The following FARP1 variants were observed in gnomAD, a reference collection of about 807,000 sequenced individuals.
The protein encoded by FARP1 is FERM, ARH/RhoGEF and pleckstrin domain protein 1, also known as FERM, ARHGEF and pleckstrin domain-containing protein 1.
Under a neutral mutation model 128.8 loss-of-function variants are expected in FARP1, and 52 were observed. The ratio of observed to expected loss-of-function variants is 0.40; its 90% CI spans 0.32 to 0.51. The LOEUF (loss-of-function observed/expected upper bound fraction) is 0.51. Among genes scored for constraint, FARP1 ranks in the 20% least tolerant of loss-of-function variants. The probability of loss-of-function intolerance (pLI) is 0.45; values close to 1 mark genes in which losing one functional copy is unlikely to be tolerated. For missense variants in FARP1, 1,333 were observed against 1,367.9 expected (o/e 0.97, Z 0.40); for synonymous variants, 580 against 551.8 (o/e 1.05, Z -0.72).
At chr13:98,244,430 A>T (rs542957998) in intron 2 of FARP1, 1 of 1,475,272 alleles carries the variant, frequency 6.8e-7, no homozygotes, top group East Asian at 2.4e-5. Context: ...ACTGTTTTTT[A>T]AAAAACAACA....
intron 2 of FARP1, among the ~76,000 whole-genome samples, chr13:98,258,243 A>G (rs1883709205): frequency 6.6e-6 from 1 of 152,198 alleles, no homozygotes; most frequent in Non-Finnish European, 1.5e-5. Context: ...CTGGGATTAC[A>G]GGCATGAGCA....
At chr13:98,219,749 T>G (rs749206093) in intron 2 of FARP1, among the ~76,000 whole-genome samples, 24 of 152,240 alleles carry the variant, frequency 1.6e-4, no homozygotes, top group Admixed American at 1.3e-3. Context: ...CACTGCCGCC[T>G]TGACCTTCTG....
intron 13 of FARP1, chr13:98,407,344 ATT>A (rs56198675): frequency 0.85 from 128,261 of 151,480 alleles, 54,951 homozygotes; most frequent in South Asian, 0.93. Flanking sequence ...TCTTTTTGTG[ATT>A]TTTTTTTTTT....
At chr13:98,315,715 A>G (rs757639671) in intron 2 of FARP1, among the ~76,000 whole-genome samples, 6 of 152,182 alleles carry the variant, frequency 3.9e-5, no homozygotes, top group Non-Finnish European at 7.3e-5. Context: ...AAAACAAAAG[A>G]TGCAGAGGAG....
At chr13:98,357,617 T>C (rs1171369838) in intron 3 of FARP1, among the ~76,000 whole-genome samples, 1 of 152,198 alleles carries the variant, frequency 6.6e-6, no homozygotes, top group Non-Finnish European at 1.5e-5. Flanking sequence ...ATATCTTCCA[T>C]ATCTCAACTT....
At chr13:98,350,705 A>AT (rs893785001) in intron 3 of FARP1, among the ~76,000 whole-genome samples, 89 of 151,620 alleles carry the variant, frequency 5.9e-4, no homozygotes, top group Non-Finnish European at 1.1e-3. Context: ...GTACTTTTTA[A>AT]TTTTCTGTAC....
chr13:98,383,454 G>T (rs893693557), intron 6 of FARP1, among the ~76,000 whole-genome samples: 2 of 152,220 alleles, frequency 1.3e-5, no homozygotes, highest in Non-Finnish European at 2.9e-5. Context: ...GCATGGCTTT[G>T]TGCAGAACAG....
chr13:98,291,867 C>T (rs1885464750), intron 2 of FARP1, among the ~76,000 whole-genome samples: 2 of 152,202 alleles, frequency 1.3e-5, no homozygotes, highest in South Asian at 2.1e-4. Context: ...ACCATCTGGC[C>T]CAATTCCCCT....
rs369017349 is a variant in FARP1 at position 98,341,340 on chromosome 13, C to G, written c.172-2422C>G. Among the ~76,000 whole-genome samples, 42 of 152,102 alleles carry G rather than the reference C, an allele frequency of 2.8e-4. No homozygotes were observed. In the South Asian group the frequency reaches 8.1e-3, roughly 29 times the overall value. ...CAGGGAAGAGGTGAGAAGTATAAAACAAGTAACTGTGGGCTGGGTGCAGTA... is the reference window on the plus strand; with the variant it reads ...CAGGGAAGAGGTGAGAAGTATAAAAGAAGTAACTGTGGGCTGGGTGCAGTA... On this transcript the variant is annotated intron_variant, in intron 2 of 26. Transcript: ENST00000319562.
At chr13:98,249,201 C>CT (rs1883210606) in intron 2 of FARP1, among the ~76,000 whole-genome samples, 1 of 152,128 alleles carries the variant, frequency 6.6e-6, no homozygotes, top group Non-Finnish European at 1.5e-5. Context: ...TGTATTTCAA[C>CT]TAAGTGAGCA....
chr13:98,187,900 T>C (rs1247339119), intron 1 of FARP1, among the ~76,000 whole-genome samples: 1 of 152,250 alleles, frequency 6.6e-6, no homozygotes, highest in Non-Finnish European at 1.5e-5. Flanking sequence ...GTATGACATG[T>C]AATAAATGTT....
intron 1 of FARP1, among the ~76,000 whole-genome samples, chr13:98,169,235 T>C (rs1056692023): frequency 4.6e-5 from 7 of 152,166 alleles, no homozygotes; most frequent in Non-Finnish European, 8.8e-5. Context: ...TCTATCTGAA[T>C]GGGTTGTACT....
In FARP1 at chr13:98,145,871, A is replaced by G. The variant is rs1268520382; in HGVS notation, c.-24+2379A>G. On this transcript the variant is annotated intron_variant, in intron 1 of 26. Transcript: ENST00000319562. Reference sequence around the variant, plus strand: ...AGTGAGACTCTGTCTCAAAAAAAAAAAAAAAAAAGAGAAAAAAGGAACTGC... The same window carrying G: ...AGTGAGACTCTGTCTCAAAAAAAAAGAAAAAAAAGAGAAAAAAGGAACTGC... 5.4e-3 allele frequency among the ~76,000 whole-genome samples: 803 copies of G among 148,920 alleles called. 9 individuals carry two copies. Among genetic ancestry groups the G allele is most frequent in the African/African-American group, 0.019 (769 of 40,940 alleles).
intron 1 of FARP1, among the ~76,000 whole-genome samples, chr13:98,187,096 A>G (rs2139221717): frequency 6.6e-6 from 1 of 151,688 alleles, no homozygotes; most frequent in Admixed American, 6.6e-5. Flanking sequence ...CAGAAGTGGA[A>G]TCACTGTATC....
chr13:98,416,898 T>A (rs1891395079), intron 16 of FARP1, among the ~76,000 whole-genome samples: 1 of 152,116 alleles, frequency 6.6e-6, no homozygotes, highest in Non-Finnish European at 1.5e-5. Flanking sequence ...GAATTGGCTA[T>A]GGGGTGCACG....
At chr13:98,444,746 T>C (rs1892713784) in intron 24 of FARP1, among the ~76,000 whole-genome samples, 1 of 152,106 alleles carries the variant, frequency 6.6e-6, no homozygotes, top group Admixed American at 6.5e-5. Context: ...CTGTGATGGG[T>C]GACATGTATG....
Position 98,388,371 on chromosome 13 carries a change from CTTTCT to C in FARP1, c.760-8_760-4del, listed in dbSNP as rs773999296. Reference sequence around the variant, plus strand: ...GCATTTCCTGGCTCACTGCTACTGTCTTTCTTTTTAGGGTTTCACTAAGATCAATG... The same window carrying C: ...GCATTTCCTGGCTCACTGCTACTGTCTTTTAGGGTTTCACTAAGATCAATG... On this transcript the variant is annotated splice_region_variant and splice_polypyrimidine_tract_variant and intron_variant, in intron 8 of 26. Coordinates refer to ENST00000319562, the MANE Select transcript of FARP1 (RefSeq NM_005766.4). The C allele has an allele frequency of 6.2e-7, 1 of 1,608,498 alleles. No individual in the cohort carries two copies. Among genetic ancestry groups the C allele is most frequent in the East Asian group, 2.2e-5 (1 of 44,852 alleles).
intron 3 of FARP1, among the ~76,000 whole-genome samples, chr13:98,354,889 T>G (rs573690387): frequency 1.2e-4 from 18 of 152,350 alleles, no homozygotes; most frequent in African/African-American, 3.6e-4. Flanking sequence ...GAAACATAGC[T>G]AGTGCAAATT....
chr13:98,312,961 A>T (rs1054201041), intron 2 of FARP1, among the ~76,000 whole-genome samples: 2 of 152,152 alleles, frequency 1.3e-5, no homozygotes, highest in Non-Finnish European at 1.5e-5. Context: ...TCCAGAAGTC[A>T]AGCTGTTTTA....
Sources: allele counts gnomAD v4.1 joint callset (sites outside exome capture counted in the v4.1 genomes callset), GRCh38; gene constraint gnomAD v4.1.1; transcripts MANE v1.5; gene names NCBI Gene and HGNC (gene_info 2026-07-23, HGNC 2026-07-21).